The following ARL6IP6 variants were observed in gnomAD, a reference collection of about 807,000 sequenced individuals.
ARL6IP6 encodes ARF like GTPase 6 interacting protein 6.
In ARL6IP6, 22 loss-of-function variants were observed where a neutral mutation model predicts 21.5. That is an observed-to-expected ratio of 1.02 (90% CI 0.73 to 1.46). The LOEUF (loss-of-function observed/expected upper bound fraction) is 1.46, where lower values mean the gene tolerates loss of function less well. Ranked by LOEUF, ARL6IP6 falls within the 40% of genes most tolerant of loss-of-function variation. The pLI is 0.00. For synonymous variants in ARL6IP6, 164 were observed against 125.3 expected, an observed-to-expected ratio of 1.31 and a Z score of -2.06; for missense variants, 388 against 299.8, an observed-to-expected ratio of 1.29 and a Z score of -2.17.
At chr2:152,747,726 C>T (rs1701122232) in intron 3 of ARL6IP6, among the ~76,000 whole-genome samples, 1 of 151,990 alleles carries the variant, frequency 6.6e-6, no homozygotes, top group South Asian at 2.1e-4. Context: ...CAGGCCACCA[C>T]ACCCAACTAA....
At chr2:152,734,045 T>C (rs977417266) in intron 2 of ARL6IP6, among the ~76,000 whole-genome samples, 1 of 152,204 alleles carries the variant, frequency 6.6e-6, no homozygotes, top group Admixed American at 6.5e-5. Context: ...ATATCAGTAT[T>C]TCCTGTCTTC....
At chr2:152,727,493 T>C (rs1700099798) in intron 2 of ARL6IP6, among the ~76,000 whole-genome samples, 1 of 152,186 alleles carries the variant, frequency 6.6e-6, no homozygotes, top group Non-Finnish European at 1.5e-5. Flanking sequence ...TGGACAGTAG[T>C]GTCCTTGGCC....
At chr2:152,725,902 C>CT (rs1700024788) in intron 2 of ARL6IP6, among the ~76,000 whole-genome samples, 1 of 152,050 alleles carries the variant, frequency 6.6e-6, no homozygotes, top group African/African-American at 2.4e-5. Context: ...TTTTTGCTCT[C>CT]TAAATTATTC....
intron 3 of ARL6IP6, among the ~76,000 whole-genome samples, chr2:152,759,005 A>G (rs887456623): frequency 1.3e-5 from 2 of 152,140 alleles, no homozygotes; most frequent in Admixed American, 6.6e-5. Flanking sequence ...GTTGGATACT[A>G]CCTTCTTTTC....
chr2:152,718,567 C>G, upstream of ARL6IP6: 2 of 1,485,966 alleles, frequency 1.3e-6, no homozygotes, highest in African/African-American at 2.8e-5. Context: ...TGTTGCGGAC[C>G]CGGGGCGGGG....
chr2:152,734,257 A>T (rs1436428779), intron 2 of ARL6IP6, among the ~76,000 whole-genome samples: 1 of 152,178 alleles, frequency 6.6e-6, no homozygotes, highest in Non-Finnish European at 1.5e-5. Context: ...CTCAGTGCGA[A>T]TAAAATCTAA....
chr2:152,718,100 A>G (rs901410688), upstream of ARL6IP6: 10 of 988,024 alleles, frequency 1.0e-5, no homozygotes, highest in East Asian at 1.1e-3. Flanking sequence ...TGAGCAGTTA[A>G]GGAACCGCGA....
chr2:152,718,150 G>A, upstream of ARL6IP6: 1 of 796,778 alleles, frequency 1.3e-6, no homozygotes, highest in Non-Finnish European at 1.5e-6. Context: ...GGGGAACCTG[G>A]AGAAGAGTGT....
chr2:152,756,624 A>C (rs1701605652), intron 3 of ARL6IP6, among the ~76,000 whole-genome samples: 1 of 152,226 alleles, frequency 6.6e-6, no homozygotes, highest in African/African-American at 2.4e-5. Context: ...CAATAGAAAA[A>C]AATGAGAAAA....
At chr2:152,746,895 G>A (rs1392775884) in intron 3 of ARL6IP6, among the ~76,000 whole-genome samples, 1 of 125,426 alleles carries the variant, frequency 8.0e-6, no homozygotes, top group Non-Finnish European at 1.6e-5. Context: ...GCACAATCAT[G>A]GCTCACTGCA....
intron 1 of ARL6IP6, chr2:152,719,827 AT>A: frequency 2.4e-6 from 1 of 424,974 alleles, no homozygotes; most frequent in African/African-American, 2.1e-5. Context: ...CTGAAGTGTT[AT>A]TTTTGTACTT....
Position 152,718,772 on chromosome 2 carries a change from C to A in ARL6IP6, c.148C>A (p.Gln50Lys). Residue 50 changes from glutamine (Q) to lysine (K), a missense_variant, in exon 1 of 4, where the codon CAA (glutamine) becomes AAA (lysine). Transcript: ENST00000326446. ...GEVDEEEGCD[Q>K]VARDLRAEFS... ...AGTCGACGAGGAGGAGGGATGCGAC[C>A]AAGTGGCCCGCGACCTGCGGGCGGA... 6.2e-7 allele frequency: 1 copy of A among 1,608,738 alleles called. No homozygotes were observed. The highest frequency in any genetic ancestry group is 1.7e-5 in the Admixed American group (1 of 59,148).
At chr2:152,717,937 A>C (rs1159633555), upstream of ARL6IP6, 5 of 1,001,510 alleles carry the variant, frequency 5.0e-6, no homozygotes, top group Non-Finnish European at 6.0e-6. Flanking sequence ...GGAGGGGAGG[A>C]GGCGGGGAAG....
intron 3 of ARL6IP6, among the ~76,000 whole-genome samples, chr2:152,751,765 C>T (rs1012243421): frequency 2.0e-5 from 3 of 152,094 alleles, no homozygotes; most frequent in East Asian, 3.9e-4. Context: ...TTTTCTTTAT[C>T]CATTCATCTG....
intron 3 of ARL6IP6, among the ~76,000 whole-genome samples, chr2:152,739,077 G>T (rs1202906475): frequency 4.6e-5 from 7 of 151,880 alleles, no homozygotes; most frequent in Non-Finnish European, 1.0e-4. Flanking sequence ...CCGCCTCCTG[G>T]GTTCATGCCA....
rs1401609158 is a variant in ARL6IP6, at chr2:152,718,912, C to T, written c.288C>T (p.Gly96=). Residue 96 remains glycine, a synonymous_variant, in exon 1 of 4, where the codon GGC becomes GGT. Transcript: ENST00000326446. ...KRNGIFPAAA[G]SRAQPRRWPV... ...ATGGTATCTTTCCCGCGGCCGCGGG[C>T]AGCAGAGCCCAGCCTCGGCGGTGGC... 1.9e-6 allele frequency: 3 copies of T among 1,613,838 alleles called. No individual in the cohort carries two copies. The highest frequency in any genetic ancestry group is 2.7e-5 in the African/African-American group (2 of 74,950).
chr2:152,725,151 A>G (rs923171891), intron 2 of ARL6IP6, among the ~76,000 whole-genome samples: 2 of 152,170 alleles, frequency 1.3e-5, no homozygotes, highest in Admixed American at 1.3e-4. Flanking sequence ...ACTGAGCTAT[A>G]TTTCTCATAA....
intron 2 of ARL6IP6, among the ~76,000 whole-genome samples, chr2:152,722,449 G>T (rs1699833069): frequency 6.6e-6 from 1 of 152,130 alleles, no homozygotes; most frequent in Admixed American, 6.5e-5. Flanking sequence ...TCATTTAATG[G>T]GCTAATTCAA....
At chr2:152,724,229 T>G (rs1009843378) in intron 2 of ARL6IP6, among the ~76,000 whole-genome samples, 2 of 152,118 alleles carry the variant, frequency 1.3e-5, no homozygotes, top group Non-Finnish European at 2.9e-5. Context: ...TTCTACAATG[T>G]ATAAGTGTAA....
Sources: gnomAD v4.1 joint callset for allele counts (sites outside exome capture counted in the v4.1 genomes callset) on GRCh38, gnomAD v4.1.1 for gene constraint, MANE v1.5 for transcripts, NCBI Gene and HGNC (gene_info 2026-07-23, HGNC 2026-07-21) for gene names.